OR7A17: variants seen among roughly 807,000 people sequenced by gnomAD.
OR7A17 encodes olfactory receptor 7A17.
For synonymous variants in OR7A17, 159 were observed against 142.1 expected (o/e 1.12, Z -0.85); for missense variants, 366 against 365.5 (o/e 1.00, Z -0.01).
chr19:14,884,181 T>C (rs940115800), intron 1 of OR7A17, among the ~76,000 whole-genome samples: 4 of 152,186 alleles, frequency 2.6e-5, no homozygotes, highest in Admixed American at 2.6e-4. Flanking sequence ...GATCTTAGTG[T>C]AGACAAAGTA....
chr19:14,880,976 C>G lies in OR7A17; in HGVS notation c.380G>C (p.Cys127Ser), dbSNP rs151132536. ...VMAYDRFVAI[C>S]HPLHYTVIMN... ...GATGACTGTGTAGTGCAGAGGATGA[C>G]AGATGGCCACAAACCGATCATAGGC... Residue 127 changes from cysteine to serine, a missense_variant, in exon 3 of 3, where the codon TGT (cysteine) becomes TCT (serine). Transcript: ENST00000641113. The G allele has an allele frequency of 5.6e-6, 9 of 1,614,150 alleles. No homozygotes were observed. The East Asian group carries it at 2.0e-4, about 36-fold the overall frequency.
chr19:14,881,184 G>A lies in OR7A17; in HGVS notation c.172C>T (p.Pro58Ser). 6.2e-7 allele frequency: 1 copy of A among 1,614,094 alleles called. No individual in the cohort carries two copies. Among genetic ancestry groups the A allele is most frequent in the Non-Finnish European group, 8.5e-7 (1 of 1,180,014 alleles). Residue 58 changes from proline (P) to serine (S), a missense_variant, in exon 3 of 3, where the codon CCC becomes TCC. Coordinates refer to ENST00000641113, the MANE Select transcript of OR7A17 (RefSeq NM_030901.2). ...AGGTTGGAGAGGAAGAAGTACATGG[G>A]GGTGTGGAGGTGGGAGTCTGAGATT... ...ATISDSHLHT[P>S]MYFFLSNLSF...
intron 1 of OR7A17, among the ~76,000 whole-genome samples, chr19:14,883,461 A>G (rs988346406): frequency 6.6e-6 from 1 of 152,020 alleles, no homozygotes; most frequent in African/African-American, 2.4e-5. Flanking sequence ...AAAAAAAAAG[A>G]AAAAAATCCT....
In OR7A17 at chr19:14,883,481, A is replaced by G. The variant is rs528104459; in HGVS notation, c.-294-1610T>C. 3.9e-5 allele frequency among the ~76,000 whole-genome samples: 6 copies of G among 152,252 alleles called. No homozygotes were observed. The South Asian group carries it at 8.3e-4, about 21-fold the overall frequency. The stretch of plus-strand genomic sequence containing the variant: ...AAAAGAAAAAAATCCTGCACACACT[A>G]TGATAACTGTCTCCTTTTCTGCAGA... On this transcript the variant is annotated intron_variant, in intron 1 of 2. Transcript: ENST00000641113.
chr19:14,880,229 A>T lies in OR7A17; in HGVS notation c.*197T>A. ...AATGACAAAAAAAAAAAAAAAAAAAAGATTGGATATCAGAGAGCGGAAAGC... is the reference window on the plus strand; with the variant it reads ...AATGACAAAAAAAAAAAAAAAAAAATGATTGGATATCAGAGAGCGGAAAGC... On this transcript the variant is annotated 3_prime_UTR_variant, in exon 3 of 3. Coordinates refer to ENST00000641113, the MANE Select transcript of OR7A17 (RefSeq NM_030901.2). 1.0e-5 allele frequency: 3 copies of T among 292,410 alleles called. No individual in the cohort carries two copies. Among genetic ancestry groups the T allele is most frequent in the East Asian group, 1.2e-4 (2 of 17,074 alleles). The allele number at this position is 292,410 out of a possible 1,614,324, so 18.1% of individuals were successfully genotyped here. A position where few individuals can be genotyped will look rare whatever the true frequency, so the allele number is the denominator to read the frequency against.
At position 14,878,333 on chromosome 19, in the gene OR7A17, C is replaced by T. The variant is rs1218847656; in HGVS notation, c.*2093G>A. ...CCAATGCTGGTTAGAAATTCAGGTT[C>T]CTTTGTGAGTCATCATTTGATTATA... On this transcript the variant is annotated 3_prime_UTR_variant, in exon 3 of 3. Transcript: ENST00000641113. 6.6e-6 allele frequency: 1 copy of T among 152,072 alleles called. No homozygotes were observed. The highest frequency in any genetic ancestry group is 1.9e-4 in the East Asian group (1 of 5,188). 9.4% of individuals were successfully genotyped at this position (152,072 alleles called of 1,614,324 possible).
rs73016159 is a variant in OR7A17, at chr19:14,879,675, G to A, written c.*751C>T. On this transcript the variant is annotated 3_prime_UTR_variant, in exon 3 of 3. Transcript: ENST00000641113. ...AGTAGGATAAAATGCCATGATGACA[G>A]CACTTTGGGGGGCCGAGGCAGGCGG... is the stretch of plus-strand genomic sequence containing the variant. 6,288 of 152,394 alleles carry A rather than the reference G, an allele frequency of 0.041. 179 individuals are homozygous for A. The highest frequency in any genetic ancestry group is 0.07 in the African/African-American group (2,924 of 41,534). The allele number at this position is 152,394 out of a possible 1,614,324, so 9.4% of individuals were successfully genotyped here.
Position 14,879,995 on chromosome 19 carries a change from C to T in OR7A17, c.*431G>A, listed in dbSNP as rs2145118371. The T allele has an allele frequency of 6.5e-6, 1 of 153,220 alleles. No individual in the cohort carries two copies. Among genetic ancestry groups the T allele is most frequent in the Non-Finnish European group, 1.5e-5 (1 of 68,876 alleles). The allele number at this position is 153,220 out of a possible 1,614,324, so 9.5% of individuals were successfully genotyped here. A position where few individuals can be genotyped will look rare whatever the true frequency, so the allele number is the denominator to read the frequency against. ...AAAGTTTACATGACCAGGAAGAACA[C>T]TTAAGGTGGTGGTGGAGAAAGGAAT... is the stretch of plus-strand genomic sequence containing the variant. On this transcript the variant is annotated 3_prime_UTR_variant, in exon 3 of 3. Transcript: ENST00000641113.
chr19:14,883,864 G>T lies in OR7A17; in HGVS notation c.-294-1993C>A, dbSNP rs1276529732. ...GATTTAGTTTATTGGCAAAGACCTA[G>T]ACATAAAATTATATAATACACAATG... On this transcript the variant is annotated intron_variant, in intron 1 of 2. Transcript: ENST00000641113. Among the ~76,000 whole-genome samples, 5 of 152,128 alleles carry T rather than the reference G, an allele frequency of 3.3e-5. No homozygotes were observed. The East Asian group carries it at 9.6e-4, about 29-fold the overall frequency.
intron 1 of OR7A17, among the ~76,000 whole-genome samples, chr19:14,883,869 A>C (rs1374214769): frequency 7.2e-5 from 11 of 152,240 alleles, no homozygotes; most frequent in Non-Finnish European, 1.5e-4. Flanking sequence ...ACCTAGACAT[A>C]AAATTATATA....
At position 14,880,676 on chromosome 19, in the gene OR7A17, G is replaced by T. The variant is rs1327279586; in HGVS notation, c.680C>A (p.Ala227Glu). 3.1e-6 allele frequency: 5 copies of T among 1,614,070 alleles called. No individual in the cohort carries two copies. The African/African-American group carries it at 4.0e-5, about 13-fold the overall frequency. The change falls in exon 3 of 3, where the codon GCA (alanine) becomes GAA (glutamate). Residue 227 changes from alanine to glutamate, a missense_variant. By Grantham distance (107) the Ala-to-Glu change is moderately radical. Transcript: ENST00000641113. ...SYSKIVSSIRAISSAQGKYKA... is the reference protein window; with the variant it reads ...SYSKIVSSIREISSAQGKYKA... Reference sequence around the variant, plus strand: ...GTACTTCCCCTGAGCTGATGAGATTGCACGTATGGAGGAAACTATCTTAGA... The same window carrying T: ...GTACTTCCCCTGAGCTGATGAGATTTCACGTATGGAGGAAACTATCTTAGA...
intron 1 of OR7A17, among the ~76,000 whole-genome samples, chr19:14,882,708 T>G (rs757754753): frequency 6.6e-6 from 1 of 152,244 alleles, no homozygotes; most frequent in Admixed American, 6.5e-5. Context: ...TCCCGCCGTG[T>G]CTTTGACTTC....
chr19:14,881,584 T>G (rs768063728), intron 2 of OR7A17, 33 bp from the exon 3 acceptor site: 28 of 233,460 alleles, frequency 1.2e-4, no homozygotes, highest in Non-Finnish European at 1.8e-4. Context: ...GACAATGTAA[T>G]TATGCATTAC....
chr19:14,883,780 G>A (rs1454808792), intron 1 of OR7A17, among the ~76,000 whole-genome samples: 1 of 152,078 alleles, frequency 6.6e-6, no homozygotes, highest in East Asian at 1.9e-4. Context: ...AAATGTTATG[G>A]TACATAAAAC....
rs779270258 is a variant in OR7A17, at chr19:14,881,007, C to G, written c.349G>C (p.Val117Leu). The G allele has an allele frequency of 1.2e-6, 2 of 1,614,216 alleles. No homozygotes were observed. The highest frequency in any genetic ancestry group is 1.7e-6 in the Non-Finnish European group (2 of 1,180,042). The change falls in exon 3 of 3, where the codon GTG becomes CTG. Residue 117 changes from valine to leucine, a missense_variant. Coordinates refer to ENST00000641113, the MANE Select transcript of OR7A17 (RefSeq NM_030901.2). ...FGGLDSLLLA[V>L]MAYDRFVAIC... ...GCCACAAACCGATCATAGGCCATCA[C>G]AGCCAGGAGTAAGCTGTCTAACCCT...
chr19:14,882,291 G>T (rs1031108803), intron 1 of OR7A17, among the ~76,000 whole-genome samples: 5 of 152,190 alleles, frequency 3.3e-5, no homozygotes, highest in African/African-American at 1.2e-4. Context: ...GTCAGTTGGT[G>T]ATTAGTCCTA....
Position 14,878,298 on chromosome 19 carries a change from A to T in OR7A17, c.*2128T>A, listed in dbSNP as rs547684402. On this transcript the variant is annotated 3_prime_UTR_variant, in exon 3 of 3. Coordinates refer to ENST00000641113, the MANE Select transcript of OR7A17 (RefSeq NM_030901.2). The stretch of plus-strand genomic sequence containing the variant: ...TTGTGATTCTGATTCACAAGTCTCT[A>T]TTCTCCAAGCCAATGCTGGTTAGAA... 1 of 152,360 alleles carries T rather than the reference A, an allele frequency of 6.6e-6. No individual in the cohort carries two copies. The allele number at this position is 152,360 out of a possible 1,614,324, so 9.4% of individuals were successfully genotyped here.
rs537366168 is a variant in OR7A17, at chr19:14,882,711, T to A, written c.-294-840A>T. Reference sequence around the variant, plus strand: ...CCCCTCTTTTTTTCCCGCCGTGTCTTTGACTTCTGGCTTTTCTATTATGAG... The same window carrying A: ...CCCCTCTTTTTTTCCCGCCGTGTCTATGACTTCTGGCTTTTCTATTATGAG... On this transcript the variant is annotated intron_variant, in intron 1 of 2. Coordinates refer to ENST00000641113, the MANE Select transcript of OR7A17 (RefSeq NM_030901.2). Among the ~76,000 whole-genome samples the A allele has an allele frequency of 7.3e-4, 111 of 152,388 alleles. 1 individual carries two copies. In the South Asian group the frequency reaches 0.022, roughly 30 times the overall value.
At chr19:14,883,355 G>A (rs184463423) in intron 1 of OR7A17, among the ~76,000 whole-genome samples, 105 of 152,136 alleles carry the variant, frequency 6.9e-4, no homozygotes, top group Non-Finnish European at 1.1e-3. Flanking sequence ...TAGGAGAATC[G>A]CTTGAACCTG....
Sources: allele counts gnomAD v4.1 joint callset (sites outside exome capture counted in the v4.1 genomes callset), GRCh38; gene constraint gnomAD v4.1.1; transcripts MANE v1.5; gene names NCBI Gene and HGNC (gene_info 2026-07-23, HGNC 2026-07-21).